EXOC4: variants seen among roughly 807,000 people sequenced by gnomAD.
EXOC4 encodes the protein exocyst complex component 4.
A neutral mutation model predicts 107.2 loss-of-function variants in EXOC4; 71 were observed. The ratio of observed to expected loss-of-function variants is 0.66; its 90% CI spans 0.55 to 0.81. The LOEUF (loss-of-function observed/expected upper bound fraction) is 0.81, where lower values mean the gene tolerates loss of function less well. Among genes scored for constraint, EXOC4 ranks in the 30% least tolerant of loss-of-function variants. The pLI is 0.00. For synonymous variants in EXOC4, 456 were observed against 441.2 expected (o/e 1.03, Z -0.42); for missense variants, 1,108 against 1,189.6 (o/e 0.93, Z 1.01).
chr7:134,087,033 A>T, the EXOC4 span, among the ~76,000 whole-genome samples: 1 of 152,128 alleles, frequency 6.6e-6, no homozygotes, highest in African/African-American at 2.4e-5. Context: ...AAACTGTTTT[A>T]TCAGCAAGGA....
chr7:133,615,658 A>C (rs1353804673), intron 9 of EXOC4, among the ~76,000 whole-genome samples: 1 of 152,124 alleles, frequency 6.6e-6, no homozygotes, highest in East Asian at 1.9e-4. Context: ...CGATTGAGAT[A>C]AAAAGTGTTT....
intron 17 of EXOC4, among the ~76,000 whole-genome samples, chr7:134,010,578 A>G (rs181311515): frequency 3.9e-5 from 6 of 152,320 alleles, no homozygotes; most frequent in Admixed American, 2.0e-4. Flanking sequence ...AAAATACATA[A>G]AACAGCAATA....
intron 4 of EXOC4, among the ~76,000 whole-genome samples, chr7:133,314,714 C>T (rs1794950818): frequency 6.6e-6 from 1 of 152,136 alleles, no homozygotes; most frequent in African/African-American, 2.4e-5. Context: ...ATAGTAACAA[C>T]TGTTTCATCA....
rs1800717554 is a variant in EXOC4, at chr7:133,952,549, A to T, written c.2206+14480A>T. Among the ~76,000 whole-genome samples the T allele has an allele frequency of 1.3e-5, 2 of 152,208 alleles. 1 individual carries two copies. The highest frequency in any genetic ancestry group is 4.1e-4 in the South Asian group (2 of 4,828). On this transcript the variant is annotated intron_variant, in intron 14 of 17. Transcript: ENST00000253861. ...AATGTCCAGTTTGGTGGCATTCAGTACATTCACATTATTGAGTAGCCATCA... is the reference window on the plus strand; with the variant it reads ...AATGTCCAGTTTGGTGGCATTCAGTTCATTCACATTATTGAGTAGCCATCA...
chr7:133,274,309 C>T (rs1200268875), intron 1 of EXOC4, among the ~76,000 whole-genome samples: 1 of 152,160 alleles, frequency 6.6e-6, no homozygotes, highest in Non-Finnish European at 1.5e-5. Context: ...GGTGGTTCCT[C>T]AGTGTATAAG....
intron 1 of EXOC4, among the ~76,000 whole-genome samples, chr7:133,268,135 ATTC>A (rs1793778480): frequency 6.6e-6 from 1 of 152,180 alleles, no homozygotes; most frequent in Non-Finnish European, 1.5e-5. Context: ...CAAGGCGGGT[ATTC>A]TTATTGTCTT....
intron 11 of EXOC4, among the ~76,000 whole-genome samples, chr7:133,877,763 C>T (rs1324660164): frequency 8.5e-5 from 13 of 152,156 alleles, no homozygotes. Context: ...CTCCCGTTTG[C>T]ACACATGTGC....
chr7:133,618,738 A>G (rs1388953461), intron 9 of EXOC4, among the ~76,000 whole-genome samples: 1 of 152,182 alleles, frequency 6.6e-6, no homozygotes, highest in Non-Finnish European at 1.5e-5. Flanking sequence ...ATAGTACTCC[A>G]TCAGAGCAAA....
At chr7:134,007,904 T>G in intron 17 of EXOC4, 69 bp downstream of exon 17, 1 of 1,409,614 alleles carries the variant, frequency 7.1e-7, no homozygotes, top group South Asian at 1.4e-5. Flanking sequence ...AAGTCATTTT[T>G]AAAAATAGAC....
At chr7:133,367,203 T>G (rs1014997683) in intron 6 of EXOC4, among the ~76,000 whole-genome samples, 1 of 152,050 alleles carries the variant, frequency 6.6e-6, no homozygotes, top group Non-Finnish European at 1.5e-5. Flanking sequence ...AGGTAGATAA[T>G]TGAAGATTAG....
chr7:133,589,577 A>G (rs1333567401), intron 9 of EXOC4, among the ~76,000 whole-genome samples: 1 of 152,264 alleles, frequency 6.6e-6, no homozygotes, highest in Non-Finnish European at 1.5e-5. Flanking sequence ...AGATCGGAGC[A>G]CAACAGTTTT....
intron 10 of EXOC4, among the ~76,000 whole-genome samples, chr7:133,708,345 T>C (rs1794813519): frequency 6.6e-6 from 1 of 152,206 alleles, no homozygotes; most frequent in South Asian, 2.1e-4. Context: ...ATGGGGAACA[T>C]TGATATGAAA....
At chr7:133,596,204 A>G (rs1452201348) in intron 9 of EXOC4, among the ~76,000 whole-genome samples, 1 of 152,086 alleles carries the variant, frequency 6.6e-6, no homozygotes, top group Non-Finnish European at 1.5e-5. Context: ...TGAAAACTCT[A>G]TTTGGTTATT....
intron 9 of EXOC4, among the ~76,000 whole-genome samples, chr7:133,538,267 C>T (rs1489945324): frequency 6.6e-6 from 1 of 152,166 alleles, no homozygotes; most frequent in East Asian, 1.9e-4. Flanking sequence ...CATTATCGGT[C>T]ATCCTTCATG....
At chr7:133,765,076 T>C (rs1348384299) in intron 10 of EXOC4, among the ~76,000 whole-genome samples, 2 of 152,106 alleles carry the variant, frequency 1.3e-5, no homozygotes, top group African/African-American at 4.8e-5. Flanking sequence ...TAGAGGTAGA[T>C]AGGACCTCTA....
chr7:133,560,272 G>GATTTT (rs753557555), intron 9 of EXOC4, among the ~76,000 whole-genome samples: 25 of 152,026 alleles, frequency 1.6e-4, no homozygotes, highest in Non-Finnish European at 7.4e-5. Flanking sequence ...CTTATTTTGA[G>GATTTT]ATTTTATTTT....
At chr7:134,026,204 C>T (rs1185502261) in intron 17 of EXOC4, among the ~76,000 whole-genome samples, 1 of 151,892 alleles carries the variant, frequency 6.6e-6, no homozygotes, top group Non-Finnish European at 1.5e-5. Context: ...CTTCCTCCAA[C>T]TCCTGCTTCT....
At chr7:134,032,573 G>C (rs972662301) in intron 17 of EXOC4, among the ~76,000 whole-genome samples, 32 of 152,188 alleles carry the variant, frequency 2.1e-4, no homozygotes, top group African/African-American at 7.5e-4. Context: ...GCTCAGTCCT[G>C]AGCTGGGGGG....
At chr7:133,858,672 A>G (rs1194217606) in intron 11 of EXOC4, among the ~76,000 whole-genome samples, 1 of 152,116 alleles carries the variant, frequency 6.6e-6, no homozygotes, top group Non-Finnish European at 1.5e-5. Flanking sequence ...GAGACCTGGT[A>G]TGCGCAGGTG....
Sources: gnomAD v4.1 joint callset for allele counts (sites outside exome capture counted in the v4.1 genomes callset) on GRCh38, gnomAD v4.1.1 for gene constraint, MANE v1.5 for transcripts, NCBI Gene and HGNC (gene_info 2026-07-23, HGNC 2026-07-21) for gene names.